Variants in UBP1 observed in about 807,000 individuals in gnomAD.
UBP1 encodes the protein upstream-binding protein 1.
UBP1 carries 22 observed loss-of-function variants against 76.1 expected under a neutral mutation model. The observed-to-expected ratio is 0.29, with a 90% CI of 0.21 to 0.41. UBP1 has a LOEUF of 0.41. Ranked by LOEUF, UBP1 falls within the 10% of genes least tolerant of loss-of-function variation. The probability of loss-of-function intolerance (pLI) is 1.00; values close to 1 mark genes in which losing one functional copy is unlikely to be tolerated. For synonymous variants in UBP1, 224 were observed against 237.1 expected (o/e 0.94, Z 0.51); for missense variants, 436 against 668.1 (o/e 0.65, Z 3.83).
At chr3:33,426,015 ATATATATATATATATATAT>A (rs1462346188) in intron 1 of UBP1, among the ~76,000 whole-genome samples, 1 of 96,442 alleles carries the variant, frequency 1.0e-5, no homozygotes, top group Non-Finnish European at 2.1e-5. Flanking sequence ...ATATATATAT[ATATATATATATATATATAT>A]ATATAGCACT....
At chr3:33,418,783 T>G (rs2044800763) in intron 2 of UBP1, among the ~76,000 whole-genome samples, 1 of 143,538 alleles carries the variant, frequency 7.0e-6, no homozygotes, top group Admixed American at 7.5e-5. Context: ...CGCTTGAACC[T>G]GGGAGGCGGA....
intron 1 of UBP1, among the ~76,000 whole-genome samples, chr3:33,437,694 G>A (rs2045224367): frequency 6.6e-6 from 1 of 152,200 alleles, no homozygotes; most frequent in Admixed American, 6.5e-5. Flanking sequence ...GGATGCCAGA[G>A]GAAGTGACTG....
chr3:33,431,893 T>C (rs2045120414), intron 1 of UBP1, among the ~76,000 whole-genome samples: 1 of 152,088 alleles, frequency 6.6e-6, no homozygotes, highest in Non-Finnish European at 1.5e-5. Flanking sequence ...TGGATGAGAA[T>C]GTTATGGTAT....
chr3:33,412,632 C>T (rs1386568458), intron 4 of UBP1, 90 bp downstream of exon 4: 3 of 852,642 alleles, frequency 3.5e-6, no homozygotes, highest in East Asian at 2.5e-5. Flanking sequence ...ACTTTCCCCA[C>T]ACAAGTAATT....
intron 14 of UBP1, 157 bp from the exon 15 acceptor site, chr3:33,392,771 G>A (rs1434902961): frequency 9.3e-6 from 6 of 644,452 alleles, no homozygotes; most frequent in Non-Finnish European, 1.3e-5. Flanking sequence ...AGATGCACAC[G>A]TGCTGCACTG....
intron 3 of UBP1, 100 bp from the exon 4 acceptor site, chr3:33,412,927 A>G: frequency 1.4e-6 from 1 of 722,002 alleles, no homozygotes; most frequent in Non-Finnish European, 2.5e-6. Flanking sequence ...AGTAGAACAC[A>G]TACAACTAGA....
chr3:33,403,046 G>T, intron 8 of UBP1, 142 bp from the exon 9 acceptor site: 1 of 748,606 alleles, frequency 1.3e-6, no homozygotes. Flanking sequence ...ACAGACACAT[G>T]TCAAATTTAC....
chr3:33,406,784 A>G (rs551101227), intron 8 of UBP1, among the ~76,000 whole-genome samples: 39 of 152,322 alleles, frequency 2.6e-4, no homozygotes, highest in African/African-American at 9.4e-4. Flanking sequence ...CTCCCCAGGT[A>G]AAGAATGATC....
intron 1 of UBP1, 118 bp downstream of exon 1, chr3:33,439,617 AC>A: frequency 9.0e-7 from 1 of 1,107,410 alleles, no homozygotes; most frequent in South Asian, 1.6e-5. Flanking sequence ...CAGGACTCCG[AC>A]CCCGCAGCCC....
Position 33,396,280 on chromosome 3 carries a change from C to T in UBP1, c.1272G>A (p.Arg424=), listed in dbSNP as rs761628063. 6.4e-7 allele frequency: 1 copy of T among 1,571,988 alleles called. No individual in the cohort carries two copies. The highest frequency in any genetic ancestry group is 1.1e-5 in the South Asian group (1 of 87,978). ...GIRLYNSLKS[R]SVRPRLTIYV... ...AGATGGTTAAACGGGGTCTAACCGA[C>T]CTGCAATCAGAAGATGCCACTGATG... is the stretch of plus-strand genomic sequence containing the variant. Residue 424 remains arginine (R), a splice_region_variant and synonymous_variant, in exon 13 of 16, where the codon AGG becomes AGA. Transcript: ENST00000283629.
chr3:33,408,832 T>G lies in UBP1; in HGVS notation c.820-35A>C, dbSNP rs2044497998. On this transcript the variant is annotated intron_variant, in intron 7 of 15. Transcript: ENST00000283629. ...CACCAAAGATTGGGATCAATGTCTT[T>G]TCATTATACAAAGAAAGATCTAACA... 4 of 1,558,114 alleles carry G rather than the reference T, an allele frequency of 2.6e-6. No homozygotes were observed. The South Asian group carries it at 3.3e-5, about 13-fold the overall frequency.
At chr3:33,402,200 T>C (rs2044255511) in intron 9 of UBP1, among the ~76,000 whole-genome samples, 1 of 152,220 alleles carries the variant, frequency 6.6e-6, no homozygotes, top group African/African-American at 2.4e-5. Context: ...CGCCATGGGG[T>C]ACTGCTGTAC....
At chr3:33,393,599 C>A (rs2043853434) in intron 13 of UBP1, 145 bp from the exon 14 acceptor site, 3 of 684,792 alleles carry the variant, frequency 4.4e-6, no homozygotes, top group East Asian at 3.2e-5. Context: ...TAAACTATTT[C>A]TTTCCCCCAT....
chr3:33,422,500 T>C (rs2044921660), intron 2 of UBP1, among the ~76,000 whole-genome samples: 1 of 152,126 alleles, frequency 6.6e-6, no homozygotes. Context: ...GAAGATCGTT[T>C]GAGCCCAGGA....
chr3:33,428,463 G>A (rs1160023799), intron 1 of UBP1, among the ~76,000 whole-genome samples: 2 of 126,006 alleles, frequency 1.6e-5, no homozygotes, highest in African/African-American at 3.3e-5. Flanking sequence ...AACTGCATGA[G>A]AATGGCTTTT....
intron 1 of UBP1, among the ~76,000 whole-genome samples, chr3:33,426,038 T>TA (rs1364865528): frequency 4.8e-5 from 4 of 83,186 alleles, no homozygotes; most frequent in African/African-American, 1.8e-4. Flanking sequence ...TATATATATA[T>TA]AGCACTTTAA....
chr3:33,409,291 G>T lies in UBP1; in HGVS notation c.764C>A (p.Thr255Lys), dbSNP rs1249257411. Reference protein sequence around the residue: ...KTDREKMEKRTAHEKEKYQPS... With the variant: ...KTDREKMEKRKAHEKEKYQPS... ...CTGATACTTTTCTTTTTCATGAGCTGTTCTCTTCTCCATCTTCTCTCGGTC... is the reference window on the plus strand; with the variant it reads ...CTGATACTTTTCTTTTTCATGAGCTTTTCTCTTCTCCATCTTCTCTCGGTC... Residue 255 changes from threonine to lysine, a missense_variant, in exon 7 of 16, where the codon ACA becomes AAA. Around this residue, in one of 3 missense-constraint regions of UBP1, gnomAD observed 65 missense variants for 157.4 expected, o/e 0.41. Transcript: ENST00000283629. 5 of 1,613,960 alleles carry T rather than the reference G, an allele frequency of 3.1e-6. No homozygotes were observed. The Admixed American group carries it at 5.0e-5, about 16-fold the overall frequency.
At chr3:33,435,949 G>C (rs1375849537) in intron 1 of UBP1, among the ~76,000 whole-genome samples, 1 of 152,158 alleles carries the variant, frequency 6.6e-6, no homozygotes, top group Non-Finnish European at 1.5e-5. Flanking sequence ...GAGATCATCT[G>C]TACTTCCAAG....
Position 33,397,116 on chromosome 3 carries a change from C to A in UBP1, c.1200G>T (p.Leu400=). The A allele has an allele frequency of 6.3e-7, 1 of 1,597,382 alleles. No individual in the cohort carries two copies. Among genetic ancestry groups the A allele is most frequent in the South Asian group, 1.1e-5 (1 of 87,728 alleles). Reference sequence around the variant, plus strand: ...AAATTTGAACTAAATCCTCCTTTGTCAGTTTTAATAAGTCGGCACCTAGAG... The same window carrying A: ...AAATTTGAACTAAATCCTCCTTTGTAAGTTTTAATAAGTCGGCACCTAGAG... ...SNFSGADLLK[L]TKEDLVQICG... is the part of the protein sequence containing the mutation. Residue 400 remains leucine, a synonymous_variant, in exon 12 of 16, where the codon CTG becomes CTT. Transcript: ENST00000283629.
Sources: gnomAD v4.1 joint callset for allele counts (sites outside exome capture counted in the v4.1 genomes callset) on GRCh38, gnomAD v4.1.1 for gene constraint, gnomAD v4.1.1 regional missense constraint, MANE v1.5 for transcripts, NCBI Gene and HGNC (gene_info 2026-07-23, HGNC 2026-07-21) for gene names.